PIEZO2: variants seen among roughly 807,000 people sequenced by gnomAD.
The protein encoded by PIEZO2 is piezo-type mechanosensitive ion channel component 2.
In PIEZO2, 172 loss-of-function variants were observed where a neutral mutation model predicts 337.3. The observed-to-expected ratio is 0.51, with a 90% CI of 0.45 to 0.58. The LOEUF is 0.58. Among genes scored for constraint, PIEZO2 ranks in the 20% least tolerant of loss-of-function variants. The pLI, the probability that PIEZO2 is intolerant of heterozygous loss-of-function variation, is 0.00. For synonymous variants in PIEZO2, 1,251 were observed against 1,228.5 expected (o/e 1.02, Z -0.38); for missense variants, 3,028 against 3,391.3 (o/e 0.89, Z 2.66).
In PIEZO2 at chr18:10,819,270, TG is replaced by T. The variant is rs1299925001; in HGVS notation, c.918-11997del. ...TGATATACAGTTAAATATTTATAAA[TG>T]GTATACTGTTTTTTGGATAAAGAGG... is the stretch of plus-strand genomic sequence containing the variant. On this transcript the variant is annotated intron_variant, in intron 7 of 55. Transcript: ENST00000674853. The surrounding 1 kb of genome is among the most constrained non-coding windows in gnomAD (Gnocchi z 4.3). Among the ~76,000 whole-genome samples the T allele has an allele frequency of 1.2e-4, 18 of 152,378 alleles. No homozygotes were observed. The highest frequency in any genetic ancestry group is 4.3e-4 in the African/African-American group (18 of 41,596).
At position 10,820,425 on chromosome 18, in the gene PIEZO2, C is replaced by T. The variant is rs111349801; in HGVS notation, c.918-13151G>A. ...TCATTCTATCCTCAAGTTCATCTAT[C>T]TTTTCTTCTGTGGTATTTAATTTGC... On this transcript the variant is annotated intron_variant, in intron 7 of 55. Transcript: ENST00000674853. 3.4e-4 allele frequency among the ~76,000 whole-genome samples: 52 copies of T among 150,968 alleles called. 2 individuals are homozygous for T. Among genetic ancestry groups the T allele is most frequent in the African/African-American group, 1.2e-3 (50 of 41,130 alleles).
intron 5 of PIEZO2, among the ~76,000 whole-genome samples, chr18:10,866,568 G>A (rs867928545): frequency 4.6e-5 from 7 of 152,076 alleles, no homozygotes; most frequent in African/African-American, 1.7e-4. Flanking sequence ...TTTAGGTGTG[G>A]GCCACCACAC....
intron 3 of PIEZO2, among the ~76,000 whole-genome samples, chr18:10,975,073 G>A (rs185347411): frequency 6.6e-6 from 1 of 152,222 alleles, no homozygotes; most frequent in Non-Finnish European, 1.5e-5. Flanking sequence ...AGAAAGGAAG[G>A]AGTCATTAAT....
At chr18:10,926,812 TTC>T (rs2031767461) in intron 3 of PIEZO2, among the ~76,000 whole-genome samples, 1 of 152,166 alleles carries the variant, frequency 6.6e-6, no homozygotes, top group South Asian at 2.1e-4. Context: ...AATAGAAAGA[TTC>T]TCAACAGCAA....
Position 11,002,496 on chromosome 18 carries a change from A to G in PIEZO2, c.161-22836T>C, listed in dbSNP as rs1482002164. The stretch of plus-strand genomic sequence containing the variant: ...TGTTGACCCATTTGCAACACATCGT[A>G]AACACCAGCACTCACTGTGTGCATT... On this transcript the variant is annotated intron_variant, in intron 2 of 55. Coordinates refer to ENST00000674853, the MANE Select transcript of PIEZO2 (RefSeq NM_001378183.1). This position sits in a 1 kb window ranked among gnomAD's most constrained non-coding sequence, Gnocchi z 4.3. 6.6e-6 allele frequency among the ~76,000 whole-genome samples: 1 copy of G among 152,236 alleles called. No homozygotes were observed. Among genetic ancestry groups the G allele is most frequent in the African/African-American group, 2.4e-5 (1 of 41,466 alleles).
intron 4 of PIEZO2, among the ~76,000 whole-genome samples, chr18:10,910,621 A>G (rs535699488): frequency 1.3e-5 from 2 of 152,116 alleles, no homozygotes; most frequent in African/African-American, 4.8e-5. Context: ...AAAGAAAAAG[A>G]AAGGAAAAGA....
Position 11,116,132 on chromosome 18 carries a change from T to C in PIEZO2, c.64+32393A>G, listed in dbSNP as rs1335167837. The stretch of plus-strand genomic sequence containing the variant: ...GTAAAGATACAGTAGCTATAATTGC[T>C]ATTTCCCAACATTCTTCATAAAAGA... On this transcript the variant is annotated intron_variant, in intron 1 of 55. Coordinates refer to ENST00000674853, the MANE Select transcript of PIEZO2 (RefSeq NM_001378183.1). The surrounding 1 kb of genome is among the most constrained non-coding windows in gnomAD (Gnocchi z 5.0). Among the ~76,000 whole-genome samples the C allele has an allele frequency of 1.3e-5, 2 of 152,236 alleles. No homozygotes were observed. The highest frequency in any genetic ancestry group is 4.8e-5 in the African/African-American group (2 of 41,470).
chr18:10,688,351 G>T (rs1214282199), intron 49 of PIEZO2, among the ~76,000 whole-genome samples: 1 of 152,086 alleles, frequency 6.6e-6, no homozygotes, highest in Non-Finnish European at 1.5e-5. Flanking sequence ...CTTTTTTATG[G>T]CTGCATAGTA....
In PIEZO2 at chr18:11,033,972, TG is replaced by T. The variant is rs2036828942; in HGVS notation, c.160+32154del. Among the ~76,000 whole-genome samples, 1 of 152,012 alleles carries T rather than the reference TG, an allele frequency of 6.6e-6. No homozygotes were observed. The highest frequency in any genetic ancestry group is 2.1e-4 in the South Asian group (1 of 4,820). On this transcript the variant is annotated intron_variant, in intron 2 of 55. Transcript: ENST00000674853. The surrounding 1 kb of genome is among the most constrained non-coding windows in gnomAD (Gnocchi z 4.2). ...AGCTAATGTTGTGCTGATTTGAAACTGAAGGGGAAAAAAACCCTCAGATTTA... is the reference window on the plus strand; with the variant it reads ...AGCTAATGTTGTGCTGATTTGAAACTAAGGGGAAAAAAACCCTCAGATTTA...
At chr18:10,807,662 T>C (rs111389082) in intron 7 of PIEZO2, among the ~76,000 whole-genome samples, 4 of 152,346 alleles carry the variant, frequency 2.6e-5, no homozygotes, top group African/African-American at 7.2e-5. Context: ...TGGTAACATG[T>C]TACTAGTCCA....
intron 3 of PIEZO2, among the ~76,000 whole-genome samples, chr18:10,968,965 G>GA (rs1381237085): frequency 3.3e-5 from 5 of 151,948 alleles, no homozygotes; most frequent in Non-Finnish European, 2.9e-5. Flanking sequence ...CTGATTCTAG[G>GA]AAAAAATGGT....
chr18:10,743,048 C>T (rs2037287996), intron 31 of PIEZO2, among the ~76,000 whole-genome samples: 1 of 152,036 alleles, frequency 6.6e-6, no homozygotes, highest in Admixed American at 6.5e-5. Context: ...AGTAATAGAC[C>T]TCACTTATGG....
intron 3 of PIEZO2, among the ~76,000 whole-genome samples, chr18:10,944,784 C>T (rs1171304257): frequency 6.6e-6 from 1 of 151,704 alleles, no homozygotes; most frequent in African/African-American, 2.4e-5. Context: ...CCAGAGACAA[C>T]CAAAAGCAAA....
intron 2 of PIEZO2, among the ~76,000 whole-genome samples, chr18:11,040,204 C>T (rs988265213): frequency 6.6e-6 from 1 of 151,738 alleles, no homozygotes; most frequent in Non-Finnish European, 1.5e-5. Context: ...CCATTCTCTT[C>T]CCTTTTAGAA....
intron 3 of PIEZO2, among the ~76,000 whole-genome samples, chr18:10,926,186 C>G (rs567756077): frequency 6.6e-6 from 1 of 152,172 alleles, no homozygotes; most frequent in Non-Finnish European, 1.5e-5. Flanking sequence ...GCTTGGCCCT[C>G]AGGGGCATTC....
At chr18:10,950,072 C>A (rs768669472) in intron 3 of PIEZO2, among the ~76,000 whole-genome samples, 10 of 152,132 alleles carry the variant, frequency 6.6e-5, no homozygotes, top group Non-Finnish European at 1.2e-4. Flanking sequence ...GTGTTGAACT[C>A]GATTTACATT....
chr18:10,880,159 T>C (rs544681886), intron 4 of PIEZO2, among the ~76,000 whole-genome samples: 2 of 152,284 alleles, frequency 1.3e-5, no homozygotes, highest in South Asian at 4.1e-4. Flanking sequence ...TATTTTCCTG[T>C]GTAGAACGAA....
intron 1 of PIEZO2, among the ~76,000 whole-genome samples, chr18:11,117,902 G>A (rs2039932899): frequency 1.3e-5 from 2 of 152,136 alleles, no homozygotes; most frequent in African/African-American, 4.8e-5. Flanking sequence ...GAAAGCCAAG[G>A]GATACAGTAG....
chr18:11,122,148 G>A (rs2040045845), intron 1 of PIEZO2, among the ~76,000 whole-genome samples: 1 of 152,036 alleles, frequency 6.6e-6, no homozygotes, highest in African/African-American at 2.4e-5. Context: ...GTAGAGACGG[G>A]GTTTCACCAT....
Sources: gnomAD v4.1 joint callset for allele counts (sites outside exome capture counted in the v4.1 genomes callset) on GRCh38, gnomAD v4.1.1 for gene constraint, Gnocchi (gnomAD v3.1) non-coding constraint, MANE v1.5 for transcripts, NCBI Gene and HGNC (gene_info 2026-07-23, HGNC 2026-07-21) for gene names.